Variants in RBFOX1 observed in about 807,000 individuals in gnomAD.
The protein encoded by RBFOX1 is RNA binding protein fox-1 homolog 1.
RBFOX1 carries 8 observed loss-of-function variants against 57.7 expected under a neutral mutation model. The ratio of observed to expected loss-of-function variants is 0.14; its 90% confidence interval spans 0.08 to 0.25. The LOEUF (loss-of-function observed/expected upper bound fraction) is 0.25. Ranked by LOEUF, RBFOX1 falls within the 10% of genes least tolerant of loss-of-function variation. RBFOX1 has a pLI of 1.00. For synonymous variants in RBFOX1, 326 were observed against 222.4 expected (o/e 1.47, Z -4.15); for missense variants, 611 against 548.5 (o/e 1.11, Z -1.14).
At chr16:5,945,090 A>G (rs1478626189) in intron 4 of RBFOX1, among the ~76,000 whole-genome samples, 1 of 151,774 alleles carries the variant, frequency 6.6e-6, no homozygotes, top group Non-Finnish European at 1.5e-5. Flanking sequence ...AAGGGCTGTG[A>G]AATGGACTGC....
At chr16:7,241,334 A>G (rs1331103664) in intron 4 of RBFOX1, among the ~76,000 whole-genome samples, 1 of 152,038 alleles carries the variant, frequency 6.6e-6, no homozygotes, top group African/African-American at 2.4e-5. Flanking sequence ...GAAGCAGGTC[A>G]CCTCCTGGCC....
At chr16:6,998,985 C>T (rs1474173123) in intron 3 of RBFOX1, among the ~76,000 whole-genome samples, 5 of 151,388 alleles carry the variant, frequency 3.3e-5, no homozygotes, top group Non-Finnish European at 5.9e-5. Flanking sequence ...TCTCGTGCCT[C>T]GGCATCCTGA....
chr16:5,369,876 A>T (rs2065814734), intron 1 of RBFOX1, among the ~76,000 whole-genome samples: 1 of 152,126 alleles, frequency 6.6e-6, no homozygotes, highest in Non-Finnish European at 1.5e-5. Flanking sequence ...TTTTAGTGAC[A>T]GAAACCACAA....
In RBFOX1 at chr16:6,424,718, C is replaced by A. The variant is rs1393825614; in HGVS notation, c.-64+107661C>A. Among the ~76,000 whole-genome samples the A allele has an allele frequency of 2.0e-5, 3 of 151,908 alleles. 1 individual carries two copies. Among genetic ancestry groups the A allele is most frequent in the Admixed American group, 1.3e-4 (2 of 15,230 alleles). On this transcript the variant is annotated intron_variant, in intron 2 of 15. Transcript: ENST00000550418. ...TTTACAGGGCTAAAAGCATAAGCAA[C>A]CTCAATGTTCAACTATAGGGATGTG...
intron 3 of RBFOX1, among the ~76,000 whole-genome samples, chr16:6,657,246 A>T (rs2098665392): frequency 6.6e-6 from 1 of 151,116 alleles, no homozygotes; most frequent in Non-Finnish European, 1.5e-5. Flanking sequence ...CCTTCCTTCA[A>T]ATTCCCAGTA....
chr16:7,088,469 A>T (rs2060316891), intron 4 of RBFOX1, among the ~76,000 whole-genome samples: 1 of 151,906 alleles, frequency 6.6e-6, no homozygotes, highest in Non-Finnish European at 1.5e-5. Context: ...ATTTTACAAG[A>T]TTGGTCTTGA....
intron 5 of RBFOX1, among the ~76,000 whole-genome samples, chr16:7,560,246 T>TG (rs1307133732): frequency 6.6e-6 from 1 of 152,200 alleles, no homozygotes; most frequent in Non-Finnish European, 1.5e-5. Flanking sequence ...GAACCCCCTA[T>TG]GGGGGGTGGA....
intron 1 of RBFOX1, among the ~76,000 whole-genome samples, chr16:6,056,678 C>CAA (rs2095618628): frequency 1.3e-5 from 2 of 152,080 alleles, no homozygotes; most frequent in South Asian, 4.1e-4. Flanking sequence ...CCTTTAGAGA[C>CAA]AAAGTTTACA....
chr16:7,603,725 G>A (rs1189489574), intron 9 of RBFOX1, among the ~76,000 whole-genome samples: 2 of 152,098 alleles, frequency 1.3e-5, no homozygotes, highest in South Asian at 4.1e-4. Context: ...GGGAGAGACG[G>A]GGAAAGGGAA....
intron 2 of RBFOX1, among the ~76,000 whole-genome samples, chr16:6,642,582 T>C (rs2098501166): frequency 6.6e-6 from 1 of 151,642 alleles, no homozygotes; most frequent in Admixed American, 6.6e-5. Flanking sequence ...TCTTGTCCTC[T>C]CATAACCACA....
intron 3 of RBFOX1, among the ~76,000 whole-genome samples, chr16:5,765,565 CTT>C (rs2053747427): frequency 6.6e-6 from 1 of 152,186 alleles, no homozygotes; most frequent in South Asian, 2.1e-4. Context: ...ACAGAGAGTG[CTT>C]AATAACTACA....
intron 1 of RBFOX1, among the ~76,000 whole-genome samples, chr16:6,080,392 C>G (rs1200043058): frequency 2.0e-5 from 3 of 152,170 alleles, no homozygotes; most frequent in South Asian, 2.1e-4. Context: ...CCTCTATTGA[C>G]CTACTGGGAC....
chr16:6,688,579 A>C (rs1235518147), intron 3 of RBFOX1, among the ~76,000 whole-genome samples: 1 of 152,216 alleles, frequency 6.6e-6, no homozygotes, highest in Non-Finnish European at 1.5e-5. Context: ...ACTGAAGACT[A>C]CCAGAGGTGA....
intron 1 of RBFOX1, among the ~76,000 whole-genome samples, chr16:5,408,719 G>T (rs1435436181): frequency 1.3e-5 from 2 of 152,242 alleles, no homozygotes; most frequent in Admixed American, 1.3e-4. Flanking sequence ...CTCAGCTTCT[G>T]GGGAGGCCTC....
At chr16:7,321,240 G>A (rs2096541576) in intron 4 of RBFOX1, among the ~76,000 whole-genome samples, 1 of 152,092 alleles carries the variant, frequency 6.6e-6, no homozygotes, top group South Asian at 2.1e-4. Flanking sequence ...TGGCTCCTGG[G>A]TTAAAGCGAT....
chr16:6,072,260 G>A (rs549712590), intron 1 of RBFOX1, among the ~76,000 whole-genome samples: 19 of 152,212 alleles, frequency 1.2e-4, no homozygotes, highest in East Asian at 5.8e-4. Flanking sequence ...CTCCCACTGC[G>A]TCCCTCCCAA....
intron 1 of RBFOX1, among the ~76,000 whole-genome samples, chr16:6,132,782 T>A (rs773587014): frequency 1.3e-5 from 2 of 150,728 alleles, no homozygotes; most frequent in Non-Finnish European, 3.0e-5. Flanking sequence ...AGGTCAGGAG[T>A]TCAAGACCAG....
At chr16:7,167,823 A>G (rs1235528524) in intron 4 of RBFOX1, among the ~76,000 whole-genome samples, 1 of 151,640 alleles carries the variant, frequency 6.6e-6, no homozygotes, top group Non-Finnish European at 1.5e-5. Flanking sequence ...GACAAAAACC[A>G]TCTGGCCTGC....
At chr16:5,760,033 G>C (rs1480974054) in intron 3 of RBFOX1, among the ~76,000 whole-genome samples, 1 of 150,300 alleles carries the variant, frequency 6.7e-6, no homozygotes, top group Non-Finnish European at 1.5e-5. Flanking sequence ...CCTTGTATTT[G>C]AGCCTCAATA....
Sources: allele counts gnomAD v4.1 joint callset (sites outside exome capture counted in the v4.1 genomes callset), GRCh38; gene constraint gnomAD v4.1.1; transcripts MANE v1.5; gene names NCBI Gene and HGNC (gene_info 2026-07-23, HGNC 2026-07-21).